The following TMED4 variants were observed in gnomAD, a reference collection of about 807,000 sequenced individuals.
The protein encoded by TMED4 is transmembrane emp24 domain-containing protein 4.
TMED4 carries 19 observed loss-of-function variants against 26.5 expected under a neutral mutation model. The ratio of observed to expected loss-of-function variants is 0.72; its 90% CI spans 0.50 to 1.05. The LOEUF (loss-of-function observed/expected upper bound fraction) is 1.05, where lower values mean the gene tolerates loss of function less well. Among genes scored for constraint, TMED4 ranks in the 50% least tolerant of loss-of-function variants. The pLI is 0.00. For missense variants in TMED4, 303 were observed against 302.5 expected (o/e 1.00, Z -0.01); for synonymous variants, 121 against 119.8 (o/e 1.01, Z -0.07).
chr7:44,580,867 A>C (rs1335906561), intron 4 of TMED4: 7 of 466,388 alleles, frequency 1.5e-5, no homozygotes, highest in Non-Finnish European at 2.7e-5. Context: ...GAATCGCTTG[A>C]ACCTGGGGAG....
Position 44,579,455 on chromosome 7 carries a change from A to C in TMED4, c.*24T>G. The C allele has an allele frequency of 6.2e-7, 1 of 1,600,590 alleles. No homozygotes were observed. Among genetic ancestry groups the C allele is most frequent in the Non-Finnish European group, 8.5e-7 (1 of 1,170,982 alleles). ...AAAGTACCAAATAAATGAGGTAAAA[A>C]GGAAGGGTCATACAAAGAGGGCACT... On this transcript the variant is annotated 3_prime_UTR_variant, in exon 5 of 5. Transcript: ENST00000457408.
intron 1 of TMED4, 94 bp downstream of exon 1, chr7:44,581,953 G>C: frequency 6.5e-7 from 1 of 1,528,820 alleles, no homozygotes; most frequent in South Asian, 1.2e-5. Flanking sequence ...CTAGGTACTG[G>C]GGGAGCCAGC....
intron 4 of TMED4, 78 bp downstream of exon 4, chr7:44,581,015 C>T (rs1802968461): frequency 6.6e-7 from 1 of 1,507,548 alleles, no homozygotes; most frequent in African/African-American, 1.4e-5. Context: ...GAGCTGATCT[C>T]CCAAGCAGAA....
chr7:44,581,048 T>A, intron 4 of TMED4, 45 bp downstream of exon 4: 1 of 1,610,470 alleles, frequency 6.2e-7, no homozygotes, highest in Non-Finnish European at 8.5e-7. Flanking sequence ...ATAGTGGGTA[T>A]AAAGGTCAAC....
rs1489570712 is a variant in TMED4, at chr7:44,580,941, T to C, written c.534+152A>G. ...CCAGCATGGGCAACAAGAGTGAAAC[T>C]CCGTCTCAAAAACAACAAACAAACA... On this transcript the variant is annotated intron_variant, in intron 4 of 4. Transcript: ENST00000457408. The C allele has an allele frequency of 1.7e-5, 14 of 848,234 alleles. No homozygotes were observed. The Admixed American group carries it at 3.6e-4, about 22-fold the overall frequency. 52.5% of individuals were successfully genotyped at this position (848,234 alleles called of 1,614,324 possible).
chr7:44,580,932 G>C (rs1802966192), intron 4 of TMED4, 161 bp downstream of exon 4: 3 of 774,902 alleles, frequency 3.9e-6, no homozygotes, highest in Non-Finnish European at 6.1e-6. Flanking sequence ...TGGGCAACAA[G>C]AGTGAAACTC....
chr7:44,581,167 T>C lies in TMED4; in HGVS notation c.460A>G (p.Thr154Ala), dbSNP rs201853134. The stretch of plus-strand genomic sequence containing the variant: ...TGGCGGGCGCGGAGCTGTAGCTCCG[T>C]CAGCTTATCTTTTGCAGCAATCTCA... ...YPEIAAKDKL[T>A]ELQLRARQLL... is the part of the protein sequence containing the mutation. The change falls in exon 4 of 5, where the codon ACG becomes GCG. Residue 154 changes from threonine (T) to alanine (A), a missense_variant. Thr to Ala is a moderately conservative substitution (Grantham distance 58, BLOSUM62 0). Transcript: ENST00000457408. 1 of 1,614,138 alleles carries C rather than the reference T, an allele frequency of 6.2e-7. No individual in the cohort carries two copies. The highest frequency in any genetic ancestry group is 1.3e-5 in the African/African-American group (1 of 75,032).
chr7:44,581,743 C>A lies in TMED4; in HGVS notation c.241G>T (p.Val81Leu). The change falls in exon 2 of 5, where the codon GTG becomes TTG. Residue 81 changes from valine (V) to leucine (L), a missense_variant. Val to Leu is a conservative substitution (Grantham distance 32, BLOSUM62 1). Transcript: ENST00000457408. ...STPGLGMHVE[V>L]KDPDGKVVLS... is the part of the protein sequence containing the mutation. Reference sequence around the variant, plus strand: ...CTTACCTTGCCGTCGGGGTCCTTCACTTCCACGTGCATGCCCAGGCCAGGG... The same window carrying A: ...CTTACCTTGCCGTCGGGGTCCTTCAATTCCACGTGCATGCCCAGGCCAGGG... The A allele has an allele frequency of 6.2e-7, 1 of 1,614,238 alleles. No individual in the cohort carries two copies. Among genetic ancestry groups the A allele is most frequent in the South Asian group, 1.1e-5 (1 of 91,092 alleles).
At position 44,581,819 on chromosome 7, in the gene TMED4, G is replaced by A. The variant is rs1250585243; in HGVS notation, c.165C>T (p.Asn55=). The change falls in exon 2 of 5, where the codon AAC becomes AAT. Residue 55 remains asparagine, a synonymous_variant. Transcript: ENST00000457408. ...EIPDETMVIG[N]YRTQMWDKQK... is the part of the protein sequence containing the mutation. ...GCTTATCCCACATCTGGGTACGATA[G>A]TTGCCTGCGGGGCAGACACATAGTC... 3 of 1,614,050 alleles carry A rather than the reference G, an allele frequency of 1.9e-6. No homozygotes were observed. The highest frequency in any genetic ancestry group is 3.3e-5 in the Admixed American group (2 of 60,008).
rs761029981 is a variant in TMED4, at chr7:44,581,720, T to G, written c.261+3A>C. 1 of 1,614,198 alleles carries G rather than the reference T, an allele frequency of 6.2e-7. No homozygotes were observed. The highest frequency in any genetic ancestry group is 8.5e-7 in the Non-Finnish European group (1 of 1,180,024). On this transcript the variant is annotated splice_donor_region_variant and intron_variant, in intron 2 of 4. Coordinates refer to ENST00000457408, the MANE Select transcript of TMED4 (RefSeq NM_182547.4). ...CGGCTGCGTGGGCCAACGCCAGCCT[T>G]ACCTTGCCGTCGGGGTCCTTCACTT...
rs1212583213 is a variant in TMED4, at chr7:44,579,645, A to G, written c.535-17T>C. ...TTCACGATACTGTGTGGGGCAACACAGGGTTAAGTGAGCAGGAGAAACAGT... is the reference window on the plus strand; with the variant it reads ...TTCACGATACTGTGTGGGGCAACACGGGGTTAAGTGAGCAGGAGAAACAGT... On this transcript the variant is annotated splice_polypyrimidine_tract_variant and intron_variant, in intron 4 of 4. Coordinates refer to ENST00000457408, the MANE Select transcript of TMED4 (RefSeq NM_182547.4). 1.2e-6 allele frequency: 2 copies of G among 1,609,194 alleles called. No individual in the cohort carries two copies. Among genetic ancestry groups the G allele is most frequent in the African/African-American group, 1.3e-5 (1 of 74,972 alleles).
At chr7:44,581,297 A>G in intron 3 of TMED4, 58 bp from the exon 4 acceptor site, 1 of 1,603,548 alleles carries the variant, frequency 6.2e-7, no homozygotes. Context: ...GTTCCAGGGT[A>G]TGGAACCCAC....
In TMED4 at chr7:44,581,518, C is replaced by A. The variant is rs149857727; in HGVS notation, c.318G>T (p.Thr106=). 6.2e-7 allele frequency: 1 copy of A among 1,614,182 alleles called. No individual in the cohort carries two copies. Among genetic ancestry groups the A allele is most frequent in the African/African-American group, 1.3e-5 (1 of 75,072 alleles). The change falls in exon 3 of 5, where the codon ACG becomes ACT. Residue 106 remains threonine, a synonymous_variant. Transcript: ENST00000457408. The stretch of plus-strand genomic sequence containing the variant: ...GCAGACAGATTTGATGGTCACCGGG[C>A]GTGTGGGAGGTGAACGTGAAGCGGC... The part of the protein sequence containing the change: ...SEGRFTFTSH[T]PGDHQICLHS...
At chr7:44,581,882 C>T (rs1803013203) in intron 1 of TMED4, 59 bp from the exon 2 acceptor site, 2 of 1,593,278 alleles carry the variant, frequency 1.3e-6, no homozygotes, top group Non-Finnish European at 1.7e-6. Context: ...CGCCCGGCCC[C>T]CTCCGACGTG....
intron 4 of TMED4, 168 bp from the exon 5 acceptor site, chr7:44,579,796 G>T: frequency 1.9e-6 from 1 of 538,190 alleles, no homozygotes; most frequent in East Asian, 3.0e-5. Context: ...CCCAAGAAAG[G>T]GACAGGCTGT....
chr7:44,579,394 C>T lies in TMED4; in HGVS notation c.*85G>A. 1.3e-5 allele frequency: 18 copies of T among 1,432,780 alleles called. No individual in the cohort carries two copies. The highest frequency in any genetic ancestry group is 6.5e-5 in the Admixed American group (3 of 46,220). The allele number at this position is 1,432,780 out of a possible 1,614,324, so 88.8% of individuals were successfully genotyped here. A position where few individuals can be genotyped will look rare whatever the true frequency, so the allele number is the denominator to read the frequency against. ...GTGACTTATTCTTTTTCATTTTTTT[C>T]CCTAAAAATCCAGGTGGATAAAGGA... On this transcript the variant is annotated 3_prime_UTR_variant, in exon 5 of 5. Coordinates refer to ENST00000457408, the MANE Select transcript of TMED4 (RefSeq NM_182547.4).
At chr7:44,581,648 C>T in intron 2 of TMED4, 74 bp from the exon 3 acceptor site, 1 of 1,612,718 alleles carries the variant, frequency 6.2e-7, no homozygotes, top group Non-Finnish European at 8.5e-7. Context: ...TCCCTTGAGG[C>T]CTCCTCCAGG....
chr7:44,581,129 C>A lies in TMED4; in HGVS notation c.498G>T (p.Gln166His), dbSNP rs780408474. 2.5e-6 allele frequency: 4 copies of A among 1,614,150 alleles called. No homozygotes were observed. Among genetic ancestry groups the A allele is most frequent in the South Asian group, 2.2e-5 (2 of 91,080 alleles). The change falls in exon 4 of 5, where the codon CAG becomes CAT. Residue 166 changes from glutamine (Q) to histidine (H), a missense_variant. Gln to His is a conservative substitution (Grantham distance 24). Transcript: ENST00000457408. ...CCTGCTCCTTCTGAATCTGTTCCACCTGATCAAGCAACTGGCGGGCGCGGA... is the reference window on the plus strand; with the variant it reads ...CCTGCTCCTTCTGAATCTGTTCCACATGATCAAGCAACTGGCGGGCGCGGA... Reference protein sequence around the residue: ...LQLRARQLLDQVEQIQKEQDY... With the variant: ...LQLRARQLLDHVEQIQKEQDY...
rs1396184374 is a variant in TMED4 at position 44,582,176 on chromosome 7, C to T, written c.31G>A (p.Ala11Thr). Residue 11 changes from alanine (A) to threonine (T), a missense_variant, in exon 1 of 5, where the codon GCG becomes ACG. Coordinates refer to ENST00000457408, the MANE Select transcript of TMED4 (RefSeq NM_182547.4). The part of the protein sequence containing the change: MAGVGAGPLR[A>T]MGRQALLLLA... ...AGCAGCAGGGCCTGCCGCCCCATCG[C>T]CCGCAGAGGCCCAGCCCCGACACCT... The T allele has an allele frequency of 6.5e-7, 1 of 1,547,824 alleles. No individual in the cohort carries two copies.
Sources: gnomAD v4.1 joint callset for allele counts on GRCh38, gnomAD v4.1.1 for gene constraint, MANE v1.5 for transcripts, NCBI Gene and HGNC (gene_info 2026-07-23, HGNC 2026-07-21) for gene names.